Variants in NOS1AP observed in about 807,000 individuals in gnomAD.
NOS1AP encodes nitric oxide synthase 1 adaptor protein, also known as carboxyl-terminal PDZ ligand of neuronal nitric oxide synthase protein.
In NOS1AP, 21 loss-of-function variants were observed where a neutral mutation model predicts 56.2. That is an observed-to-expected ratio of 0.37 (90% CI 0.26 to 0.54). The LOEUF is 0.54. Ranked by LOEUF, NOS1AP falls within the 20% of genes least tolerant of loss-of-function variation. NOS1AP has a pLI of 0.84. For synonymous variants in NOS1AP, 270 were observed against 274.6 expected, an observed-to-expected ratio of 0.98 and a Z score of 0.17; for missense variants, 522 against 657.8, an observed-to-expected ratio of 0.79 and a Z score of 2.26.
At chr1:162,241,805 C>T (rs995447434) in intron 2 of NOS1AP, among the ~76,000 whole-genome samples, 1 of 152,160 alleles carries the variant, frequency 6.6e-6, no homozygotes, top group Non-Finnish European at 1.5e-5. Flanking sequence ...TCAACATCAA[C>T]AAAGCAGATT....
intron 2 of NOS1AP, among the ~76,000 whole-genome samples, chr1:162,246,190 T>A (rs562907925): frequency 4.3e-4 from 65 of 152,332 alleles, no homozygotes; most frequent in African/African-American, 1.3e-3. Flanking sequence ...TGTTGTAGAA[T>A]CCATTTTTTA....
At chr1:162,306,713 A>C (rs1268922571) in intron 4 of NOS1AP, among the ~76,000 whole-genome samples, 1 of 152,128 alleles carries the variant, frequency 6.6e-6, no homozygotes, top group African/African-American at 2.4e-5. Context: ...AAGTTGGGCG[A>C]ATCACTTGAG....
At chr1:162,153,126 C>A (rs184774244) in intron 1 of NOS1AP, among the ~76,000 whole-genome samples, 1 of 152,084 alleles carries the variant, frequency 6.6e-6, no homozygotes, top group Admixed American at 6.6e-5. Flanking sequence ...AGAGATTATA[C>A]CTTTTTAATT....
At chr1:162,168,413 C>T (rs1650605312) in intron 2 of NOS1AP, among the ~76,000 whole-genome samples, 3 of 152,198 alleles carry the variant, frequency 2.0e-5, no homozygotes, top group South Asian at 2.1e-4. Context: ...TGCTCAGATA[C>T]GAACTTCCAA....
At chr1:162,274,197 G>A (rs1323581142) in intron 2 of NOS1AP, among the ~76,000 whole-genome samples, 1 of 152,164 alleles carries the variant, frequency 6.6e-6, no homozygotes. Context: ...AAGTCCAGTG[G>A]CTCTGCATCC....
At chr1:162,091,311 T>C (rs1692126390) in intron 1 of NOS1AP, among the ~76,000 whole-genome samples, 1 of 152,206 alleles carries the variant, frequency 6.6e-6, no homozygotes, top group African/African-American at 2.4e-5. Flanking sequence ...GTTCTCCAGT[T>C]TACCCTATTG....
At chr1:162,199,108 C>T (rs1362576098) in intron 2 of NOS1AP, among the ~76,000 whole-genome samples, 1 of 152,204 alleles carries the variant, frequency 6.6e-6, no homozygotes, top group Non-Finnish European at 1.5e-5. Flanking sequence ...TTAAGCCTTG[C>T]AATCCTCCTG....
intron 1 of NOS1AP, among the ~76,000 whole-genome samples, chr1:162,135,057 T>C (rs1648934107): frequency 6.6e-6 from 1 of 152,220 alleles, no homozygotes; most frequent in Non-Finnish European, 1.5e-5. Flanking sequence ...TCAAAAATTA[T>C]CTTCTCTGTG....
At chr1:162,322,467 A>G (rs986848609) in intron 4 of NOS1AP, among the ~76,000 whole-genome samples, 1 of 152,200 alleles carries the variant, frequency 6.6e-6, no homozygotes, top group Non-Finnish European at 1.5e-5. Context: ...GACTCCTCAC[A>G]TGCTGAGCAG....
chr1:162,276,591 G>T (rs1268723618), intron 2 of NOS1AP, among the ~76,000 whole-genome samples: 1 of 151,268 alleles, frequency 6.6e-6, no homozygotes, highest in Non-Finnish European at 1.5e-5. Flanking sequence ...ACTTCTGGGG[G>T]TGGGATCCAG....
chr1:162,334,556 C>T (rs1182362436), intron 5 of NOS1AP, among the ~76,000 whole-genome samples: 1 of 152,098 alleles, frequency 6.6e-6, no homozygotes, highest in African/African-American at 2.4e-5. Flanking sequence ...CAAAGTCTCC[C>T]TGATGGTCAT....
chr1:162,265,560 A>C (rs1323732023), intron 2 of NOS1AP, among the ~76,000 whole-genome samples: 1 of 6,358 alleles, frequency 1.6e-4, no homozygotes, highest in Non-Finnish European at 6.9e-3. Context: ...ACATGAACTC[A>C]TCATTTTTTT....
chr1:162,074,734 G>A (rs547670512), intron 1 of NOS1AP, among the ~76,000 whole-genome samples: 8 of 152,284 alleles, frequency 5.3e-5, no homozygotes, highest in South Asian at 2.1e-4. Context: ...TGCTTATGGC[G>A]TTGACTGGAT....
Position 162,186,334 on chromosome 1 carries a change from GT to G in NOS1AP, c.177+31866del, listed in dbSNP as rs200491179. ...TAATTATTGTTAAACAGTAATTTCT[GT>G]TTTTTTTAATGTAAAGCCTGACTCA... On this transcript the variant is annotated intron_variant, in intron 2 of 9. Coordinates refer to ENST00000361897, the MANE Select transcript of NOS1AP (RefSeq NM_014697.3). Among the ~76,000 whole-genome samples the G allele has an allele frequency of 1.4e-4, 21 of 149,310 alleles. No individual in the cohort carries two copies. The East Asian group carries it at 4.0e-3, about 28-fold the overall frequency.
chr1:162,199,196 G>A (rs1347638176), intron 2 of NOS1AP, among the ~76,000 whole-genome samples: 1 of 152,138 alleles, frequency 6.6e-6, no homozygotes, highest in Non-Finnish European at 1.5e-5. Flanking sequence ...CTAGAATCAT[G>A]TGGGACTTGA....
In NOS1AP at chr1:162,365,280, CT is replaced by C; in HGVS notation, c.940-122del. ...AGATGCCCATGCTGCCCGTGAAGGGCTTCTTCTTGAACTGAATGTGGAGGGC... is the reference window on the plus strand; with the variant it reads ...AGATGCCCATGCTGCCCGTGAAGGGCTCTTCTTGAACTGAATGTGGAGGGC... On this transcript the variant is annotated intron_variant, in intron 8 of 9. Transcript: ENST00000361897. 5 of 1,550,852 alleles carry C rather than the reference CT, an allele frequency of 3.2e-6. No homozygotes were observed. The South Asian group carries it at 4.9e-5, about 15-fold the overall frequency.
intron 2 of NOS1AP, among the ~76,000 whole-genome samples, chr1:162,225,285 G>A (rs1290896975): frequency 6.6e-6 from 1 of 152,180 alleles, no homozygotes; most frequent in Non-Finnish European, 1.5e-5. Flanking sequence ...ATGGCTAGTT[G>A]TGGGGCAGTG....
chr1:162,235,504 G>A (rs560759717), intron 2 of NOS1AP, among the ~76,000 whole-genome samples: 1 of 152,190 alleles, frequency 6.6e-6, no homozygotes, highest in Non-Finnish European at 1.5e-5. Context: ...GGGGAGCCTC[G>A]TCAAGGCTGA....
rs764140152 is a variant in NOS1AP, at chr1:162,070,246, G to T, written c.69G>T (p.Glu23Asp). The T allele has an allele frequency of 6.2e-7, 1 of 1,613,908 alleles. No individual in the cohort carries two copies. The highest frequency in any genetic ancestry group is 1.7e-5 in the Admixed American group (1 of 60,002). The change falls in exon 1 of 10, where the codon GAG becomes GAT. Residue 23 changes from glutamate to aspartate, a missense_variant. Glu to Asp is a conservative substitution (Grantham distance 45). Around this residue, in one of 4 missense-constraint regions of NOS1AP, gnomAD observed 132 missense variants for 218.1 expected, o/e 0.61. Coordinates refer to ENST00000361897, the MANE Select transcript of NOS1AP (RefSeq NM_014697.3). ...ACCTGCGGATCCCCTTGCACAACGAGGACGCCTTCCAGCACGGCATCTGCT... is the reference window on the plus strand; with the variant it reads ...ACCTGCGGATCCCCTTGCACAACGATGACGCCTTCCAGCACGGCATCTGCT... ...GHDLRIPLHN[E>D]DAFQHGICFE...
Sources: gnomAD v4.1 joint callset for allele counts (sites outside exome capture counted in the v4.1 genomes callset) on GRCh38, gnomAD v4.1.1 for gene constraint, gnomAD v4.1.1 regional missense constraint, MANE v1.5 for transcripts, NCBI Gene and HGNC (gene_info 2026-07-23, HGNC 2026-07-21) for gene names.